MXRA7: variants seen among roughly 807,000 people sequenced by gnomAD.
The protein encoded by MXRA7 is matrix-remodeling-associated protein 7.
MXRA7 carries 18 observed loss-of-function variants against 17.4 expected under a neutral mutation model. The ratio of observed to expected loss-of-function variants is 1.03; its 90% CI spans 0.71 to 1.53. MXRA7 has a LOEUF of 1.53. MXRA7 is among the 40% of genes most tolerant of loss of function. The pLI, the probability that MXRA7 is intolerant of heterozygous loss-of-function variation, is 0.00. For missense variants in MXRA7, 141 were observed against 209.3 expected (o/e 0.67, Z 2.01); for synonymous variants, 70 against 101.7 (o/e 0.69, Z 1.87).
intron 1 of MXRA7, among the ~76,000 whole-genome samples, chr17:76,702,870 T>TAC (rs144571117): frequency 2.9e-5 from 2 of 69,806 alleles, no homozygotes; most frequent in African/African-American, 7.7e-5. Flanking sequence ...TATATATATA[T>TAC]ACGTATATAT....
downstream of MXRA7, among the ~76,000 whole-genome samples, chr17:76,679,313 A>G (rs559232027): frequency 5.9e-5 from 9 of 151,502 alleles, no homozygotes; most frequent in South Asian, 4.2e-4. Flanking sequence ...AAGAAGAAGA[A>G]GAGGAATTCC....
At chr17:76,689,095 AGT>A (rs1022164093) in intron 1 of MXRA7, 1 of 152,870 alleles carries the variant, frequency 6.5e-6, no homozygotes, top group African/African-American at 2.4e-5. Context: ...TTTTTTTCTG[AGT>A]GTGTTTCTGA....
At chr17:76,710,546 G>T in intron 1 of MXRA7, 59 bp downstream of exon 1, 2 of 1,214,196 alleles carry the variant, frequency 1.6e-6, no homozygotes, top group Non-Finnish European at 2.1e-6. Flanking sequence ...GGCGGGGAAC[G>T]GCAGCGGCAG....
At chr17:76,701,644 G>A (rs1347470281) in intron 1 of MXRA7, among the ~76,000 whole-genome samples, 1 of 152,084 alleles carries the variant, frequency 6.6e-6, no homozygotes, top group African/African-American at 2.4e-5. Context: ...GAGGGAGTGT[G>A]CTGGGTAAGC....
exon 4 of MXRA7, chr17:76,673,103 C>T (rs1017553126): frequency 6.6e-6 from 1 of 152,238 alleles, no homozygotes; most frequent in African/African-American, 2.4e-5. Context: ...CTGGAATGGT[C>T]CATCAGCACC....
At chr17:76,704,868 C>G (rs528795730) in intron 1 of MXRA7, among the ~76,000 whole-genome samples, 97 of 151,732 alleles carry the variant, frequency 6.4e-4, no homozygotes, top group African/African-American at 2.2e-3. Flanking sequence ...ACCTCCTCAT[C>G]CTGTTCCATA....
At chr17:76,682,313 CTG>C (rs2076315835) in intron 3 of MXRA7, among the ~76,000 whole-genome samples, 1 of 152,150 alleles carries the variant, frequency 6.6e-6, no homozygotes, top group Non-Finnish European at 1.5e-5. Context: ...TGCAACTCGA[CTG>C]GACCCTGAGA....
chr17:76,692,356 C>T lies in MXRA7; in HGVS notation c.343-4180G>A, dbSNP rs147792167. On this transcript the variant is annotated intron_variant, in intron 1 of 3. Coordinates refer to ENST00000449428, the MANE Select transcript of MXRA7 (RefSeq NM_198530.4). ...GCAGCCTCCACCTCCCAGGTTCAAG[C>T]GACTCTCCTGCCTCAGCCTCCCGAG... Among the ~76,000 whole-genome samples, 757 of 151,760 alleles carry T rather than the reference C, an allele frequency of 5.0e-3. 7 individuals are homozygous for T. The highest frequency in any genetic ancestry group is 0.017 in the African/African-American group (718 of 41,356).
At chr17:76,705,566 C>CCA (rs1315580678) in intron 1 of MXRA7, among the ~76,000 whole-genome samples, 1 of 152,106 alleles carries the variant, frequency 6.6e-6, no homozygotes, top group African/African-American at 2.4e-5. Context: ...GTCTTAACCC[C>CCA]CAGTGTGATG....
chr17:76,703,903 C>T (rs895931695), intron 1 of MXRA7, among the ~76,000 whole-genome samples: 1 of 151,762 alleles, frequency 6.6e-6, no homozygotes, highest in Non-Finnish European at 1.5e-5. Context: ...AAATCTCATG[C>T]AGACATTGTT....
intron 1 of MXRA7, among the ~76,000 whole-genome samples, chr17:76,697,139 G>T (rs1210694499): frequency 6.6e-6 from 1 of 152,130 alleles, no homozygotes; most frequent in Non-Finnish European, 1.5e-5. Context: ...CTTTAAAGAG[G>T]TGATTAAGTT....
chr17:76,680,732 A>G lies in MXRA7; in HGVS notation c.*135T>C, dbSNP rs2076291591. On this transcript the variant is annotated 3_prime_UTR_variant, in exon 4 of 4. Coordinates refer to ENST00000449428, the MANE Select transcript of MXRA7 (RefSeq NM_198530.4). ...GGACAAGTCCTGATTGAGGGTCTAG[A>G]GCTCAGCAGATTTATGGAGGCAGCA... 2.0e-6 allele frequency: 3 copies of G among 1,483,870 alleles called. No homozygotes were observed. Among genetic ancestry groups the G allele is most frequent in the South Asian group, 2.8e-5 (2 of 72,318 alleles). 91.9% of individuals were successfully genotyped at this position (1,483,870 alleles called of 1,614,324 possible).
chr17:76,707,396 C>G (rs183743792), intron 1 of MXRA7, among the ~76,000 whole-genome samples: 1 of 146,792 alleles, frequency 6.8e-6, no homozygotes, highest in East Asian at 2.1e-4. Flanking sequence ...ACCTCAGCCT[C>G]CTGGGTTCAA....
At chr17:76,689,596 C>A (rs376174970) in intron 1 of MXRA7, 1 of 152,090 alleles carries the variant, frequency 6.6e-6, no homozygotes. Flanking sequence ...CTTCCGGGGG[C>A]AGGAAGAGGA....
In MXRA7 at chr17:76,679,594, T is replaced by G; in HGVS notation, c.*1273A>C. 1.0e-6 allele frequency: 1 copy of G among 974,094 alleles called. No homozygotes were observed. Among genetic ancestry groups the G allele is most frequent in the Non-Finnish European group, 1.2e-6 (1 of 819,698 alleles). 60.3% of individuals were successfully genotyped at this position (974,094 alleles called of 1,614,324 possible). A position where few individuals can be genotyped will look rare whatever the true frequency, so the allele number is the denominator to read the frequency against. ...TTGAGATCATCTACTCAAAGTTTAT[T>G]GGACTGAACAAAGGCTGAATACAGA... is the stretch of plus-strand genomic sequence containing the variant. On this transcript the variant is annotated 3_prime_UTR_variant, in exon 4 of 4. Transcript: ENST00000449428.
chr17:76,683,771 C>T (rs1282228635), intron 3 of MXRA7: 39 of 1,035,838 alleles, frequency 3.8e-5, no homozygotes, highest in Non-Finnish European at 4.9e-5. Context: ...AGGTTGAGGC[C>T]GCGTCAGTTG....
rs572881577 is a variant in MXRA7, at chr17:76,680,336, C to G, written c.*531G>C. 2.7e-5 allele frequency: 27 copies of G among 985,368 alleles called. No individual in the cohort carries two copies. Among genetic ancestry groups the G allele is most frequent in the Non-Finnish European group, 3.3e-5 (27 of 830,064 alleles). 61.0% of individuals were successfully genotyped at this position (985,368 alleles called of 1,614,324 possible). ...AATATGGCATCTCACCCCCGACAAC[C>G]AAGCCAGCCACAGAGAGAAGTGGGG... On this transcript the variant is annotated 3_prime_UTR_variant, in exon 4 of 4. Transcript: ENST00000449428.
In MXRA7 at chr17:76,680,927, A is replaced by G. The variant is rs777865932; in HGVS notation, c.501-48T>C. The G allele has an allele frequency of 4.1e-6, 6 of 1,457,714 alleles. No homozygotes were observed. The East Asian group carries it at 6.9e-5, about 17-fold the overall frequency. 90.3% of individuals were successfully genotyped at this position (1,457,714 alleles called of 1,614,324 possible). ...AAAGATAATTTATTTTACTCATTCCATCCTGCACCATGGGCAAGGAAAGGG... is the reference window on the plus strand; with the variant it reads ...AAAGATAATTTATTTTACTCATTCCGTCCTGCACCATGGGCAAGGAAAGGG... On this transcript the variant is annotated intron_variant, in intron 3 of 3. Coordinates refer to ENST00000449428, the MANE Select transcript of MXRA7 (RefSeq NM_198530.4).
chr17:76,707,959 G>A (rs1326969010), intron 1 of MXRA7, among the ~76,000 whole-genome samples: 2 of 152,230 alleles, frequency 1.3e-5, no homozygotes, highest in Non-Finnish European at 2.9e-5. Context: ...AGAGAAAAGA[G>A]GTTCTAGCAG....
Sources: allele counts gnomAD v4.1 joint callset (sites outside exome capture counted in the v4.1 genomes callset), GRCh38; gene constraint gnomAD v4.1.1; transcripts MANE v1.5; gene names NCBI Gene and HGNC (gene_info 2026-07-23, HGNC 2026-07-21).